TMEM248: variants seen among roughly 807,000 people sequenced by gnomAD.
The protein encoded by TMEM248 is transmembrane protein 248.
Under a neutral mutation model 30.3 loss-of-function variants are expected in TMEM248, and 9 were observed. The observed-to-expected ratio is 0.30, with a 90% CI of 0.18 to 0.52. The LOEUF (loss-of-function observed/expected upper bound fraction) is 0.52. Among genes scored for constraint, TMEM248 ranks in the 20% least tolerant of loss-of-function variants. The pLI is 0.97. For missense variants in TMEM248, 338 were observed against 403.3 expected (o/e 0.84, Z 1.39); for synonymous variants, 184 against 154.4 (o/e 1.19, Z -1.42).
intron 1 of TMEM248, 54 bp downstream of exon 1, chr7:66,921,515 G>T (rs1187102649): frequency 1.3e-5 from 2 of 151,882 alleles, no homozygotes; most frequent in Non-Finnish European, 2.9e-5. Flanking sequence ...GGCTGCCCGC[G>T]GGGCCGGGAG....
chr7:66,938,906 A>G (rs1240354888), intron 1 of TMEM248, among the ~76,000 whole-genome samples: 1 of 152,260 alleles, frequency 6.6e-6, no homozygotes, highest in East Asian at 1.9e-4. Context: ...TTAAAGGCTT[A>G]GTACCCAAAA....
chr7:66,925,007 C>G (rs1791486583), intron 1 of TMEM248, among the ~76,000 whole-genome samples: 1 of 152,074 alleles, frequency 6.6e-6, no homozygotes, highest in Admixed American at 6.6e-5. Flanking sequence ...CCAGCCCCGG[C>G]CCTATTTTTT....
chr7:66,948,395 A>T, intron 3 of TMEM248, 149 bp from the exon 4 acceptor site: 1 of 935,858 alleles, frequency 1.1e-6, no homozygotes, highest in Non-Finnish European at 1.6e-6. Context: ...CAGGGTCAGG[A>T]CTGCTCTTCT....
At chr7:66,926,115 C>T (rs1791518928) in intron 1 of TMEM248, among the ~76,000 whole-genome samples, 1 of 152,238 alleles carries the variant, frequency 6.6e-6, no homozygotes, top group Admixed American at 6.5e-5. Flanking sequence ...TTTTAATTTG[C>T]ACTTCTCTAG....
chr7:66,928,724 T>C (rs895618161), intron 1 of TMEM248, among the ~76,000 whole-genome samples: 1 of 152,234 alleles, frequency 6.6e-6, no homozygotes, highest in Admixed American at 6.5e-5. Context: ...TGCAAAATTA[T>C]ATGGATGCTT....
At chr7:66,936,892 G>A (rs1325835386) in intron 1 of TMEM248, among the ~76,000 whole-genome samples, 1 of 151,830 alleles carries the variant, frequency 6.6e-6, no homozygotes, top group Admixed American at 6.6e-5. Context: ...TTGTTTCATT[G>A]ATCTTTTATA....
chr7:66,955,450 G>A, intron 6 of TMEM248, 52 bp from the exon 7 acceptor site: 1 of 1,613,276 alleles, frequency 6.2e-7, no homozygotes, highest in East Asian at 2.2e-5. Flanking sequence ...TAGGGGCTGA[G>A]TTACCTAGGC....
At chr7:66,930,237 A>G (rs1260100709) in intron 1 of TMEM248, among the ~76,000 whole-genome samples, 2 of 152,126 alleles carry the variant, frequency 1.3e-5, no homozygotes, top group Non-Finnish European at 2.9e-5. Flanking sequence ...GTGCCTTGGG[A>G]TAAGTTTTGG....
intron 2 of TMEM248, among the ~76,000 whole-genome samples, chr7:66,944,188 T>G (rs1256196473): frequency 7.1e-6 from 1 of 140,338 alleles, no homozygotes; most frequent in African/African-American, 2.7e-5. Context: ...CACTGCAACC[T>G]CCACCTCCCA....
At chr7:66,929,875 C>G (rs145576868) in intron 1 of TMEM248, among the ~76,000 whole-genome samples, 4 of 152,044 alleles carry the variant, frequency 2.6e-5, no homozygotes, top group Admixed American at 2.6e-4. Context: ...GGATGACTGG[C>G]AGGAGCTGGG....
chr7:66,921,630 C>G (rs1465032012), intron 1 of TMEM248, among the ~76,000 whole-genome samples, 169 bp downstream of exon 1: 1 of 152,152 alleles, frequency 6.6e-6, no homozygotes, highest in East Asian at 1.9e-4. Flanking sequence ...CAGCATCGGC[C>G]GACCTCGGCC....
chr7:66,929,339 C>T (rs1054510339), intron 1 of TMEM248, among the ~76,000 whole-genome samples: 10 of 150,072 alleles, frequency 6.7e-5, no homozygotes, highest in Non-Finnish European at 1.2e-4. Flanking sequence ...TGACGGTAGA[C>T]GTTATTATTG....
chr7:66,949,491 CAAAGAT>C (rs889027970), intron 4 of TMEM248, among the ~76,000 whole-genome samples: 8 of 151,882 alleles, frequency 5.3e-5, no homozygotes, highest in Admixed American at 2.6e-4. Context: ...TCAAATAAAA[CAAAGAT>C]AAAGGTTTTG....
At position 66,955,502 on chromosome 7, in the gene TMEM248, G is replaced by T. The variant is rs751404549; in HGVS notation, c.925G>T (p.Val309Leu). 1 of 1,614,052 alleles carries T rather than the reference G, an allele frequency of 6.2e-7. No individual in the cohort carries two copies. Among genetic ancestry groups the T allele is most frequent in the Non-Finnish European group, 8.5e-7 (1 of 1,180,010 alleles). ...GTTTCCCTGGCTTGCTGTCTTCCAGGTGGCTTTGGCTGAAGCCTAATTCCA... is the reference window on the plus strand; with the variant it reads ...GTTTCCCTGGCTTGCTGTCTTCCAGTTGGCTTTGGCTGAAGCCTAATTCCA... ...QSNPEFCPEK[V>L]ALAEA Residue 309 changes from valine (V) to leucine (L), a missense_variant and splice_region_variant, in exon 7 of 7, where the codon GTG (valine) becomes TTG (leucine). By Grantham distance (32) the Val-to-Leu change is conservative. Coordinates refer to ENST00000341567, the MANE Select transcript of TMEM248 (RefSeq NM_017994.5).
At chr7:66,955,384 A>G in intron 6 of TMEM248, 118 bp from the exon 7 acceptor site, 1 of 1,175,236 alleles carries the variant, frequency 8.5e-7, no homozygotes, top group Non-Finnish European at 1.2e-6. Context: ...TTAGGGATTT[A>G]GTAACTTCAC....
intron 1 of TMEM248, among the ~76,000 whole-genome samples, chr7:66,941,429 C>T (rs1791949616): frequency 6.6e-6 from 1 of 151,416 alleles, no homozygotes; most frequent in South Asian, 2.1e-4. Flanking sequence ...GTGGTACACA[C>T]CTTTAGTCCT....
chr7:66,927,854 G>A (rs1442389081), intron 1 of TMEM248, among the ~76,000 whole-genome samples: 1 of 152,162 alleles, frequency 6.6e-6, no homozygotes, highest in African/African-American at 2.4e-5. Context: ...GCAGAAGACT[G>A]TGCCAGTCTT....
At chr7:66,946,949 C>T (rs893462783) in intron 3 of TMEM248, among the ~76,000 whole-genome samples, 3 of 152,138 alleles carry the variant, frequency 2.0e-5, no homozygotes, top group African/African-American at 4.8e-5. Context: ...TGCAGTGGCT[C>T]ATGCCTGTAA....
intron 1 of TMEM248, among the ~76,000 whole-genome samples, chr7:66,924,611 G>A (rs752047193): frequency 3.3e-5 from 5 of 152,130 alleles, no homozygotes; most frequent in African/African-American, 4.8e-5. Flanking sequence ...CATCATGTTG[G>A]TCAGGCTGGT....
Sources: allele counts gnomAD v4.1 joint callset (sites outside exome capture counted in the v4.1 genomes callset), GRCh38; gene constraint gnomAD v4.1.1; transcripts MANE v1.5; gene names NCBI Gene and HGNC (gene_info 2026-07-23, HGNC 2026-07-21).